Variants in ZNF432 observed in about 807,000 individuals in gnomAD.
ZNF432 encodes zinc finger protein 432.
In ZNF432, 10 loss-of-function variants were observed where a neutral mutation model predicts 13.9. That is an observed-to-expected ratio of 0.72 (90% CI 0.44 to 1.22). ZNF432 has a LOEUF of 1.22. Among genes scored for constraint, ZNF432 ranks in the 50% most tolerant of loss-of-function variants. ZNF432 has a pLI of 0.00. For missense variants in ZNF432, 793 were observed against 796.2 expected, an observed-to-expected ratio of 1.00 and a Z score of 0.05; for synonymous variants, 247 against 256.2, an observed-to-expected ratio of 0.96 and a Z score of 0.34.
At chr19:52,042,886 G>A (rs1333468928) in intron 2 of ZNF432, among the ~76,000 whole-genome samples, 2 of 152,054 alleles carry the variant, frequency 1.3e-5, no homozygotes, top group African/African-American at 4.8e-5. Context: ...ACCATCAAAA[G>A]AAAAATAAAA....
At position 52,035,064 on chromosome 19, in the gene ZNF432, G is replaced by A. The variant is rs769500769; in HGVS notation, c.615C>T (p.His205=). The change falls in exon 5 of 5, where the codon CAC becomes CAT. Residue 205 remains histidine (H), a synonymous_variant. Transcript: ENST00000221315. ...ACGCTTTCCCACATTCACTGCATACGTGGTTTTTTTCTATTTCATGAGTTC... is the reference window on the plus strand; with the variant it reads ...ACGCTTTCCCACATTCACTGCATACATGGTTTTTTTCTATTTCATGAGTTC... ...HQRTHEIEKN[H]VCSECGKAFV... 12 of 1,614,082 alleles carry A rather than the reference G, an allele frequency of 7.4e-6. No homozygotes were observed. The highest frequency in any genetic ancestry group is 1.3e-5 in the African/African-American group (1 of 75,040).
In ZNF432 at chr19:52,033,088, CAT is replaced by C. The variant is rs1170266174; in HGVS notation, c.*630_*631del. 6.6e-6 allele frequency: 1 copy of C among 152,304 alleles called. No homozygotes were observed. The highest frequency in any genetic ancestry group is 1.9e-4 in the East Asian group (1 of 5,202). 9.4% of individuals were successfully genotyped at this position (152,304 alleles called of 1,614,324 possible). A position where few individuals can be genotyped will look rare whatever the true frequency, so the allele number is the denominator to read the frequency against. On this transcript the variant is annotated 3_prime_UTR_variant, in exon 5 of 5. Coordinates refer to ENST00000221315, the MANE Select transcript of ZNF432 (RefSeq NM_014650.4). ...TTATCTCAGTAAATACTTTTCAAGA[CAT>C]AGTTACTTAGAAAATTTTCAAGACT...
At position 52,034,129 on chromosome 19, in the gene ZNF432, T is replaced by C. The variant is rs1382193208; in HGVS notation, c.1550A>G (p.Glu517Gly). Reference protein sequence around the residue: ...HTGEKPYICNECGKGFAFKSN... With the variant: ...HTGEKPYICNGCGKGFAFKSN... Reference sequence around the variant, plus strand: ...CTTAAAGGCAAAACCTTTTCCACATTCATTGCATATGTACGGTTTCTCTCC... The same window carrying C: ...CTTAAAGGCAAAACCTTTTCCACATCCATTGCATATGTACGGTTTCTCTCC... Residue 517 changes from glutamate to glycine, a missense_variant, in exon 5 of 5, where the codon GAA becomes GGA. Coordinates refer to ENST00000221315, the MANE Select transcript of ZNF432 (RefSeq NM_014650.4). The C allele has an allele frequency of 1.2e-6, 2 of 1,614,000 alleles. No individual in the cohort carries two copies. Among genetic ancestry groups the C allele is most frequent in the Non-Finnish European group, 1.7e-6 (2 of 1,180,000 alleles).
In ZNF432 at chr19:52,034,995, T is replaced by G; in HGVS notation, c.684A>C (p.Thr228=). 6.2e-7 allele frequency: 1 copy of G among 1,614,070 alleles called. No homozygotes were observed. Among genetic ancestry groups the G allele is most frequent in the Non-Finnish European group, 8.5e-7 (1 of 1,179,992 alleles). The change falls in exon 5 of 5, where the codon ACA becomes ACC. Residue 228 remains threonine, a synonymous_variant. Transcript: ENST00000221315. ...SQLTDHERVH[T]GEKPYGCTLC... Reference sequence around the variant, plus strand: ...AAGTACATCCATAAGGTTTTTCTCCTGTATGAACTCTCTCATGATCAGTGA... The same window carrying G: ...AAGTACATCCATAAGGTTTTTCTCCGGTATGAACTCTCTCATGATCAGTGA...
chr19:52,036,765 G>C (rs1042902061), intron 4 of ZNF432, among the ~76,000 whole-genome samples: 5 of 152,040 alleles, frequency 3.3e-5, no homozygotes, highest in African/African-American at 1.2e-4. Flanking sequence ...CCACCTCCCA[G>C]GCTCAAGCAA....
chr19:52,046,925 G>A lies in ZNF432; in HGVS notation c.-57C>T. ...GGGATACTCTGTCTTTGTCTCCTCT[G>A]GATCTGCCTTAAATTTCTATTTAGA... On this transcript the variant is annotated 5_prime_UTR_variant, in exon 2 of 5. Transcript: ENST00000221315. The A allele has an allele frequency of 6.3e-7, 1 of 1,592,260 alleles. No homozygotes were observed. Among genetic ancestry groups the A allele is most frequent in the Non-Finnish European group, 8.6e-7 (1 of 1,167,418 alleles).
chr19:52,041,393 C>G, intron 3 of ZNF432, 87 bp downstream of exon 3: 1 of 1,476,356 alleles, frequency 6.8e-7, no homozygotes, highest in South Asian at 1.4e-5. Flanking sequence ...ATTCAGAGCA[C>G]TGCAGTAACT....
At chr19:52,038,648 T>C (rs1568522032) in intron 4 of ZNF432, among the ~76,000 whole-genome samples, 1 of 152,222 alleles carries the variant, frequency 6.6e-6, no homozygotes, top group Non-Finnish European at 1.5e-5. Context: ...AGATATGCCT[T>C]GTGCACATCA....
At position 52,033,829 on chromosome 19, in the gene ZNF432, C is replaced by T. The variant is rs760324107; in HGVS notation, c.1850G>A (p.Arg617Gln). 2.1e-5 allele frequency: 34 copies of T among 1,613,950 alleles called. No individual in the cohort carries two copies. Among genetic ancestry groups the T allele is most frequent in the Middle Eastern group, 1.6e-4 (1 of 6,084 alleles). ...TMKSRLIVHQ[R>Q]THTGEKPFVC... ...AAAGGGTTTCTCTCCTGTATGAGTT[C>T]GTTGATGAACAATTAGACGGCTCTT... The change falls in exon 5 of 5, where the codon CGA (arginine) becomes CAA (glutamine). Residue 617 changes from arginine (R) to glutamine (Q), a missense_variant. By Grantham distance (43) the Arg-to-Gln change is conservative. Coordinates refer to ENST00000221315, the MANE Select transcript of ZNF432 (RefSeq NM_014650.4).
rs2087030898 is a variant in ZNF432, at chr19:52,033,036, CT to C, written c.*683del. The C allele has an allele frequency of 6.6e-6, 1 of 152,146 alleles. No individual in the cohort carries two copies. Among genetic ancestry groups the C allele is most frequent in the Admixed American group, 6.5e-5 (1 of 15,282 alleles). The allele number at this position is 152,146 out of a possible 1,614,324, so 9.4% of individuals were successfully genotyped here. On this transcript the variant is annotated 3_prime_UTR_variant, in exon 5 of 5. Coordinates refer to ENST00000221315, the MANE Select transcript of ZNF432 (RefSeq NM_014650.4). ...ATAGGGTCTTTCTTCCCATAGAAGG[CT>C]TTCCTAGCCTACTCCTTTGTAAGAT...
rs2087022947 is a variant in ZNF432 at position 52,032,437 on chromosome 19, T to TTG, written c.*1282_*1283insCA. 1 of 141,412 alleles carries TTG rather than the reference T, an allele frequency of 7.1e-6. No homozygotes were observed. The highest frequency in any genetic ancestry group is 2.2e-4 in the South Asian group (1 of 4,568). The allele number at this position is 141,412 out of a possible 1,614,324, so 8.8% of individuals were successfully genotyped here. On this transcript the variant is annotated 3_prime_UTR_variant, in exon 5 of 5. Coordinates refer to ENST00000221315, the MANE Select transcript of ZNF432 (RefSeq NM_014650.4). The stretch of plus-strand genomic sequence containing the variant: ...ATTTGTGACAGTCCTCAAATATGGT[T>TTG]TTTTTTTTTTTTTTTTGAGGCAGAG...
chr19:52,037,559 G>A (rs376003768), intron 4 of ZNF432, among the ~76,000 whole-genome samples: 15 of 152,220 alleles, frequency 9.9e-5, no homozygotes, highest in African/African-American at 3.6e-4. Flanking sequence ...CACTTTAGGA[G>A]GTCAAGGTGG....
chr19:52,042,901 C>T (rs2087148928), intron 2 of ZNF432, among the ~76,000 whole-genome samples: 1 of 152,072 alleles, frequency 6.6e-6, no homozygotes, highest in African/African-American at 2.4e-5. Flanking sequence ...ATAAAATGTC[C>T]TAACAACTGA....
chr19:52,047,671 CAA>C (rs201695632), intron 1 of ZNF432, among the ~76,000 whole-genome samples: 6 of 71,832 alleles, frequency 8.4e-5, no homozygotes, highest in South Asian at 3.5e-4. Flanking sequence ...GACTCCATCT[CAA>C]AAAAAAAAAA....
intron 2 of ZNF432, among the ~76,000 whole-genome samples, chr19:52,045,926 T>G (rs2087177173): frequency 7.0e-6 from 1 of 142,718 alleles, no homozygotes; most frequent in Non-Finnish European, 1.5e-5. Flanking sequence ...ACCCAGGACG[T>G]GGAGGTTGCA....
chr19:52,041,350 A>T, intron 3 of ZNF432, 130 bp downstream of exon 3: 1 of 1,228,358 alleles, frequency 8.1e-7, no homozygotes, highest in Non-Finnish European at 1.1e-6. Flanking sequence ...ATATCCTTTT[A>T]TCAGAAGCCA....
rs190069395 is a variant in ZNF432, at chr19:52,034,511, C to T, written c.1168G>A (p.Glu390Lys). 1.4e-4 allele frequency: 229 copies of T among 1,613,562 alleles called. No individual in the cohort carries two copies. Among genetic ancestry groups the T allele is most frequent in the East Asian group, 2.5e-4 (11 of 44,848 alleles). ...TCTCCTGTATGAGTTCGTTGATGTTCGATCATACGGCTCTTCATGGTGAAG... is the reference window on the plus strand; with the variant it reads ...TCTCCTGTATGAGTTCGTTGATGTTTGATCATACGGCTCTTCATGGTGAAG... ...KGFTMKSRMI[E>K]HQRTHTGEKP... is the part of the protein sequence containing the mutation. Residue 390 changes from glutamate (E) to lysine (K), a missense_variant, in exon 5 of 5, where the codon GAA becomes AAA. Coordinates refer to ENST00000221315, the MANE Select transcript of ZNF432 (RefSeq NM_014650.4).
Position 52,033,753 on chromosome 19 carries a change from T to C in ZNF432, c.1926A>G (p.Val642=). ...TGTTTCCATTATGAGTTCGCTGATG[T>C]ACAATGAGATTTCTCTTTGAGGAGA... The part of the protein sequence containing the change: ...KAFSSKRNLI[V]HQRTHNGNKP Residue 642 remains valine, a synonymous_variant, in exon 5 of 5, where the codon GTA becomes GTG. Coordinates refer to ENST00000221315, the MANE Select transcript of ZNF432 (RefSeq NM_014650.4). 1.2e-6 allele frequency: 2 copies of C among 1,603,000 alleles called. No individual in the cohort carries two copies. Among genetic ancestry groups the C allele is most frequent in the Non-Finnish European group, 1.7e-6 (2 of 1,175,878 alleles).
At chr19:52,038,187 G>A (rs946683972) in intron 4 of ZNF432, among the ~76,000 whole-genome samples, 2 of 152,162 alleles carry the variant, frequency 1.3e-5, no homozygotes, top group African/African-American at 4.8e-5. Context: ...TCTGCTCCAC[G>A]ATTTCTCCAA....
Sources: gnomAD v4.1 joint callset for allele counts (sites outside exome capture counted in the v4.1 genomes callset) on GRCh38, gnomAD v4.1.1 for gene constraint, MANE v1.5 for transcripts, NCBI Gene and HGNC (gene_info 2026-07-23, HGNC 2026-07-21) for gene names.